The following VANGL1 variants were observed in gnomAD, a reference collection of about 807,000 sequenced individuals.
VANGL1 encodes vang-like protein 1.
VANGL1 carries 18 observed loss-of-function variants against 48.4 expected under a neutral mutation model. That is an observed-to-expected ratio of 0.37 (90% CI 0.26 to 0.55). The LOEUF (loss-of-function observed/expected upper bound fraction) is 0.55, where lower values mean the gene tolerates loss of function less well. VANGL1 is among the 20% of genes least tolerant of loss of function. The probability of loss-of-function intolerance (pLI) is 0.81; values close to 1 mark genes in which losing one functional copy is unlikely to be tolerated. For synonymous variants in VANGL1, 257 were observed against 261.8 expected, an observed-to-expected ratio of 0.98 and a Z score of 0.18; for missense variants, 667 against 675.8, an observed-to-expected ratio of 0.99 and a Z score of 0.14.
At chr1:115,690,433 G>C (rs895010820) in intron 7 of VANGL1, among the ~76,000 whole-genome samples, 156 of 152,324 alleles carry the variant, frequency 1.0e-3, no homozygotes, top group Non-Finnish European at 1.0e-3. Flanking sequence ...GAGAGGGAAG[G>C]GGGCATCAGG....
chr1:115,657,395 A>G (rs943810258), intron 2 of VANGL1, among the ~76,000 whole-genome samples: 5 of 152,204 alleles, frequency 3.3e-5, no homozygotes, highest in Non-Finnish European at 5.9e-5. Flanking sequence ...GCCACTGACT[A>G]TAATACTAGC....
chr1:115,669,143 A>AAG (rs1359094420), intron 4 of VANGL1, among the ~76,000 whole-genome samples: 1 of 152,226 alleles, frequency 6.6e-6, no homozygotes, highest in African/African-American at 2.4e-5. Context: ...GTGCTGCTTT[A>AAG]AGGAGGTATA....
intron 2 of VANGL1, among the ~76,000 whole-genome samples, chr1:115,658,742 G>A (rs1652435772): frequency 6.6e-6 from 1 of 152,148 alleles, no homozygotes; most frequent in Non-Finnish European, 1.5e-5. Flanking sequence ...GGCAGCTGGA[G>A]GGGGAGTGCC....
intron 1 of VANGL1, among the ~76,000 whole-genome samples, chr1:115,650,022 C>T (rs1177924395): frequency 2.6e-5 from 4 of 152,130 alleles, no homozygotes; most frequent in Non-Finnish European, 4.4e-5. Context: ...GTGATCGTAC[C>T]TGACTCCCAG....
rs1157960941 is a variant in VANGL1 at position 115,691,441 on chromosome 1, A to G, written c.*62A>G. The G allele has an allele frequency of 3.3e-6, 5 of 1,514,366 alleles. No individual in the cohort carries two copies. Among genetic ancestry groups the G allele is most frequent in the Non-Finnish European group, 4.4e-6 (5 of 1,123,788 alleles). 93.8% of individuals were successfully genotyped at this position (1,514,366 alleles called of 1,614,324 possible). A position where few individuals can be genotyped will look rare whatever the true frequency, so the allele number is the denominator to read the frequency against. ...AAAATATATAGAGAGATATATATCTATGCCAGAGGGGTGTCTTTTTTAAAA... is the reference window on the plus strand; with the variant it reads ...AAAATATATAGAGAGATATATATCTGTGCCAGAGGGGTGTCTTTTTTAAAA... On this transcript the variant is annotated 3_prime_UTR_variant, in exon 8 of 8. Coordinates refer to ENST00000355485, the MANE Select transcript of VANGL1 (RefSeq NM_138959.3).
chr1:115,689,398 G>A lies in VANGL1; in HGVS notation c.1315-1721G>A, dbSNP rs527932714. On this transcript the variant is annotated intron_variant, in intron 7 of 7. Coordinates refer to ENST00000355485, the MANE Select transcript of VANGL1 (RefSeq NM_138959.3). ...TGTAATCCCAGCACTTTGAGAGGCTGAGGCAGGTCAATCACCTGAGGTCAG... is the reference window on the plus strand; with the variant it reads ...TGTAATCCCAGCACTTTGAGAGGCTAAGGCAGGTCAATCACCTGAGGTCAG... Among the ~76,000 whole-genome samples, 21 of 136,010 alleles carry A rather than the reference G, an allele frequency of 1.5e-4. 7 individuals are homozygous for A. Among genetic ancestry groups the A allele is most frequent in the African/African-American group, 5.6e-4 (20 of 35,992 alleles). 89.2% of individuals were successfully genotyped at this position (136,010 alleles called of 152,430 possible).
chr1:115,657,478 T>C (rs1209341815), intron 2 of VANGL1, among the ~76,000 whole-genome samples: 3 of 152,136 alleles, frequency 2.0e-5, no homozygotes, highest in Non-Finnish European at 4.4e-5. Flanking sequence ...ACTGCCTTCA[T>C]AGGATTATTA....
rs1281204821 is a variant in VANGL1, at chr1:115,692,536, C to T, written c.*1157C>T. ...CCAGGAAAGAGGCTGGTTTTGCTCC[C>T]ACTCTTAGTTGCTGATAAAGTGGGG... On this transcript the variant is annotated 3_prime_UTR_variant, in exon 8 of 8. Transcript: ENST00000355485. 3 of 150,916 alleles carry T rather than the reference C, an allele frequency of 2.0e-5. No individual in the cohort carries two copies. Among genetic ancestry groups the T allele is most frequent in the Non-Finnish European group, 4.4e-5 (3 of 67,696 alleles). The allele number at this position is 150,916 out of a possible 1,614,324, so 9.3% of individuals were successfully genotyped here.
At chr1:115,643,026 C>A (rs529221473) in intron 1 of VANGL1, among the ~76,000 whole-genome samples, 1 of 152,210 alleles carries the variant, frequency 6.6e-6, no homozygotes, top group African/African-American at 2.4e-5. Flanking sequence ...AGGTCTAATG[C>A]CCACGCTGCG....
chr1:115,681,953 CT>C (rs1176325139), intron 4 of VANGL1, among the ~76,000 whole-genome samples: 2 of 152,252 alleles, frequency 1.3e-5, no homozygotes, highest in African/African-American at 4.8e-5. Flanking sequence ...TGAATCTATA[CT>C]TTGTTCTTTC....
chr1:115,661,112 A>G (rs1014746084), intron 3 of VANGL1, among the ~76,000 whole-genome samples: 2 of 152,056 alleles, frequency 1.3e-5, no homozygotes, highest in Admixed American at 6.5e-5. Flanking sequence ...AAGCATTGAG[A>G]TGGGTGTTTG....
Position 115,651,310 on chromosome 1 carries a change from A to T in VANGL1, c.-104A>T. The stretch of plus-strand genomic sequence containing the variant: ...CCTGTTGAAGAGTGGCTCCTCTTCT[A>T]ATTTCCAGACTCCTTGAGGTTTTAG... On this transcript the variant is annotated 5_prime_UTR_variant, in exon 2 of 8. Transcript: ENST00000355485. 1.0e-6 allele frequency: 1 copy of T among 966,344 alleles called. No individual in the cohort carries two copies. Among genetic ancestry groups the T allele is most frequent in the Non-Finnish European group, 1.6e-6 (1 of 620,764 alleles). The allele number at this position is 966,344 out of a possible 1,614,324, so 59.9% of individuals were successfully genotyped here. A position where few individuals can be genotyped will look rare whatever the true frequency, so the allele number is the denominator to read the frequency against.
chr1:115,659,435 A>G lies in VANGL1; in HGVS notation c.72-206A>G, dbSNP rs574117311. ...TTTGGGTCTTGGGATGGCAGAAAGA[A>G]AATATTTAGTAGGGAGTAAAGATCA... On this transcript the variant is annotated intron_variant, in intron 2 of 7. Coordinates refer to ENST00000355485, the MANE Select transcript of VANGL1 (RefSeq NM_138959.3). Among the ~76,000 whole-genome samples the G allele has an allele frequency of 2.6e-5, 4 of 152,074 alleles. No homozygotes were observed. The South Asian group carries it at 8.3e-4, about 32-fold the overall frequency.
Position 115,691,378 on chromosome 1 carries a change from A to G in VANGL1, c.1574A>G (p.Ter525=). 1 of 1,613,792 alleles carries G rather than the reference A, an allele frequency of 6.2e-7. No homozygotes were observed. Among genetic ancestry groups the G allele is most frequent in the Non-Finnish European group, 8.5e-7 (1 of 1,179,964 alleles). Residue 525 remains the stop codon, a stop_retained_variant, in exon 8 of 8, where the codon TAA becomes TGA. Transcript: ENST00000355485. ...CGCTTACAGTCTGAGACATCCGTTT[A>G]AAAGTTCTATATTTGTGGCTTTATT... The part of the protein sequence containing the change: ...VLRLQSETSV[*]
intron 4 of VANGL1, among the ~76,000 whole-genome samples, chr1:115,666,144 G>A (rs2101008158): frequency 6.6e-6 from 1 of 152,346 alleles, no homozygotes; most frequent in East Asian, 1.9e-4. Flanking sequence ...CTCTGTATAT[G>A]TAAGTAGCCA....
rs748711031 is a variant in VANGL1, at chr1:115,685,274, G to A, written c.1080-19G>A. ...TGGCAGGCACCATCCTGATTACTTA[G>A]TGTTGCATCACCTTCTAGGCTGGTG... On this transcript the variant is annotated intron_variant, in intron 6 of 7. Coordinates refer to ENST00000355485, the MANE Select transcript of VANGL1 (RefSeq NM_138959.3). 9.3e-6 allele frequency: 15 copies of A among 1,613,230 alleles called. No homozygotes were observed. The highest frequency in any genetic ancestry group is 7.7e-5 in the South Asian group (7 of 91,018).
At chr1:115,653,017 C>T (rs1236782102) in intron 2 of VANGL1, among the ~76,000 whole-genome samples, 1 of 152,066 alleles carries the variant, frequency 6.6e-6, no homozygotes, top group Non-Finnish European at 1.5e-5. Context: ...TTCATGAGAC[C>T]ATGTTAAAAG....
intron 7 of VANGL1, among the ~76,000 whole-genome samples, chr1:115,690,370 G>A (rs995234207): frequency 3.3e-5 from 5 of 152,224 alleles, no homozygotes; most frequent in African/African-American, 4.8e-5. Context: ...TGGAGGAACA[G>A]CACATGTATC....
intron 1 of VANGL1, among the ~76,000 whole-genome samples, 175 bp downstream of exon 1, chr1:115,642,261 C>T (rs1447149460): frequency 6.6e-6 from 1 of 151,932 alleles, no homozygotes; most frequent in Non-Finnish European, 1.5e-5. Context: ...GCTCCCTCCC[C>T]TCCTCCGGAG....
Sources: gnomAD v4.1 joint callset for allele counts (sites outside exome capture counted in the v4.1 genomes callset) on GRCh38, gnomAD v4.1.1 for gene constraint, MANE v1.5 for transcripts, NCBI Gene and HGNC (gene_info 2026-07-23, HGNC 2026-07-21) for gene names.